The following NFIX variants were observed in gnomAD, a reference collection of about 807,000 sequenced individuals.
NFIX encodes the protein nuclear factor I X, also known as nuclear factor 1 X-type.
In NFIX, 2 loss-of-function variants were observed where a neutral mutation model predicts 53.3. The observed-to-expected ratio is 0.04, with a 90% CI of 0.02 to 0.12. The LOEUF (loss-of-function observed/expected upper bound fraction) is 0.12, where lower values mean the gene tolerates loss of function less well. Among genes scored for constraint, NFIX ranks in the 10% least tolerant of loss-of-function variants. NFIX has a pLI of 1.00. For missense variants in NFIX, 310 were observed against 674.5 expected, an observed-to-expected ratio of 0.46 and a Z score of 5.99; for synonymous variants, 244 against 289.0, an observed-to-expected ratio of 0.84 and a Z score of 1.58.
In NFIX at chr19:13,043,773, C is replaced by T. The variant is rs555698977; in HGVS notation, c.559+18221C>T. On this transcript the variant is annotated intron_variant, in intron 2 of 10. Transcript: ENST00000592199. The surrounding 1 kb of genome is among the most constrained non-coding windows in gnomAD (Gnocchi z 4.0). ...AGCATGCTCTCATCAGACTTGGTCC[C>T]CACTGCCATGGCACTCTTATCTGTG... Among the ~76,000 whole-genome samples, 22 of 152,318 alleles carry T rather than the reference C, an allele frequency of 1.4e-4. No homozygotes were observed. The South Asian group carries it at 4.6e-3, about 32-fold the overall frequency.
intron 2 of NFIX, among the ~76,000 whole-genome samples, chr19:13,031,828 G>A (rs965005772): frequency 6.6e-6 from 1 of 152,168 alleles, no homozygotes; most frequent in African/African-American, 2.4e-5. Flanking sequence ...AAGGGGTAAT[G>A]AGGCCAGTGC....
At position 12,995,506 on chromosome 19, in the gene NFIX, T is replaced by G. The variant is rs1228534266; in HGVS notation, c.-332T>G. 4.6e-5 allele frequency: 7 copies of G among 151,900 alleles called. No individual in the cohort carries two copies. Among genetic ancestry groups the G allele is most frequent in the East Asian group, 1.9e-4 (1 of 5,188 alleles). The allele number at this position is 151,900 out of a possible 1,614,324, so 9.4% of individuals were successfully genotyped here. On this transcript the variant is annotated 5_prime_UTR_variant, in exon 1 of 11. Transcript: ENST00000592199. ...ACTTTCACTTTCACAGCGCGGCGGCTGCGGCGGCGGCGGCGGCGGGCGAGG... is the reference window on the plus strand; with the variant it reads ...ACTTTCACTTTCACAGCGCGGCGGCGGCGGCGGCGGCGGCGGCGGGCGAGG...
chr19:13,048,052 G>T (rs991560843), intron 2 of NFIX, among the ~76,000 whole-genome samples: 1 of 152,190 alleles, frequency 6.6e-6, no homozygotes, highest in East Asian at 1.9e-4. Flanking sequence ...ACAGTCCAGT[G>T]AACTCGGCAC....
chr19:13,070,762 C>G (rs972039100), intron 2 of NFIX: 12 of 152,366 alleles, frequency 7.9e-5, no homozygotes, highest in African/African-American at 2.9e-4. Flanking sequence ...TGCTCCTTTA[C>G]ACAGAGCTAA....
At chr19:13,033,027 AG>A (rs1241357641) in intron 2 of NFIX, among the ~76,000 whole-genome samples, 4 of 151,808 alleles carry the variant, frequency 2.6e-5, no homozygotes, top group East Asian at 1.9e-4. Flanking sequence ...CCATTGGGTG[AG>A]GGGGGGCTCA....
rs951155254 is a variant in NFIX at position 13,022,606 on chromosome 19, G to A, written c.28-2415G>A. Among the ~76,000 whole-genome samples, 3 of 151,588 alleles carry A rather than the reference G, an allele frequency of 2.0e-5. No individual in the cohort carries two copies. In the East Asian group the frequency reaches 5.8e-4, roughly 29 times the overall value. On this transcript the variant is annotated intron_variant, in intron 1 of 10. Transcript: ENST00000592199. This position sits in a 1 kb window ranked among gnomAD's most constrained non-coding sequence, Gnocchi z 4.5. The stretch of plus-strand genomic sequence containing the variant: ...TGCTCCATAGGAAGAAAAAAAAAAA[G>A]AAAGAAAGAAATAGAAACAGAAAAA...
chr19:13,000,691 C>T (rs1053331761), intron 1 of NFIX, among the ~76,000 whole-genome samples: 1 of 152,136 alleles, frequency 6.6e-6, no homozygotes, highest in Non-Finnish European at 1.5e-5. Flanking sequence ...CAAAGAGACC[C>T]GGTGCATCTA....
chr19:13,023,086 C>CTCTCTCTCTCTCTG (rs1394738047), intron 1 of NFIX, among the ~76,000 whole-genome samples: 1 of 150,826 alleles, frequency 6.6e-6, no homozygotes, highest in Non-Finnish European at 1.5e-5. Flanking sequence ...CTCTCTCTCT[C>CTCTCTCTCTCTCTG]TCTCTCTCTC....
Position 13,078,816 on chromosome 19 carries a change from A to G in NFIX, c.1078+81A>G, listed in dbSNP as rs1362915399. On this transcript the variant is annotated intron_variant, in intron 7 of 10. Transcript: ENST00000592199. This position sits in a 1 kb window ranked among gnomAD's most constrained non-coding sequence, Gnocchi z 4.7. ...GGGCAGCTGGCCAGGTGAAGGGGCC[A>G]GAGCTGACCCCGAGTGACAGCCCCA... 4 of 1,454,832 alleles carry G rather than the reference A, an allele frequency of 2.7e-6. No homozygotes were observed. In the African/African-American group the frequency reaches 6.9e-5, roughly 25 times the overall value. 90.1% of individuals were successfully genotyped at this position (1,454,832 alleles called of 1,614,324 possible).
In NFIX at chr19:13,068,527, G is replaced by A. The variant is rs907656528; in HGVS notation, c.560-4520G>A. On this transcript the variant is annotated intron_variant, in intron 2 of 10. Transcript: ENST00000592199. This position sits in a 1 kb window ranked among gnomAD's most constrained non-coding sequence, Gnocchi z 4.2. The stretch of plus-strand genomic sequence containing the variant: ...GGCCCCCAAGGAAGAGAGGGGCCCA[G>A]AGTGGCCACTTGGCTCAGCCTGGCT... 1.3e-5 allele frequency among the ~76,000 whole-genome samples: 2 copies of A among 152,266 alleles called. No individual in the cohort carries two copies. Among genetic ancestry groups the A allele is most frequent in the Non-Finnish European group, 2.9e-5 (2 of 68,046 alleles).
rs910036676 is a variant in NFIX, at chr19:13,088,800, G to A, written c.1402+664G>A. Reference sequence around the variant, plus strand: ...TGTTCCAAGGACGAGGGAGGGCTGTGGGCTTTGGCTTACTTCATCTCTCTC... The same window carrying A: ...TGTTCCAAGGACGAGGGAGGGCTGTAGGCTTTGGCTTACTTCATCTCTCTC... On this transcript the variant is annotated intron_variant, in intron 9 of 10. Transcript: ENST00000592199. The surrounding 1 kb of genome is among the most constrained non-coding windows in gnomAD (Gnocchi z 5.9). 7.2e-5 allele frequency among the ~76,000 whole-genome samples: 11 copies of A among 151,982 alleles called. No individual in the cohort carries two copies. Among genetic ancestry groups the A allele is most frequent in the African/African-American group, 1.2e-4 (5 of 41,372 alleles).
rs1189804097 is a variant in NFIX at position 13,052,047 on chromosome 19, TC to T, written c.560-20998del. 1.3e-5 allele frequency among the ~76,000 whole-genome samples: 2 copies of T among 152,178 alleles called. No individual in the cohort carries two copies. Among genetic ancestry groups the T allele is most frequent in the Non-Finnish European group, 2.9e-5 (2 of 68,024 alleles). Reference sequence around the variant, plus strand: ...TTTCCCTTCTGTCTTTCCTTTGCTGTCCACTCTGCTTGCAGGATTTGGGACC... The same window carrying T: ...TTTCCCTTCTGTCTTTCCTTTGCTGTCACTCTGCTTGCAGGATTTGGGACC... On this transcript the variant is annotated intron_variant, in intron 2 of 10. Coordinates refer to ENST00000592199, the MANE Select transcript of NFIX (RefSeq NM_001365902.3). This position sits in a 1 kb window ranked among gnomAD's most constrained non-coding sequence, Gnocchi z 5.2.
intron 2 of NFIX, among the ~76,000 whole-genome samples, chr19:13,042,360 T>TC (rs1267157176): frequency 6.9e-6 from 1 of 144,318 alleles, no homozygotes; most frequent in African/African-American, 2.6e-5. Context: ...ACATGCTTTT[T>TC]TTTTTTTTTT....
In NFIX at chr19:13,014,912, C is replaced by T. The variant is rs916088013; in HGVS notation, c.28-10109C>T. Among the ~76,000 whole-genome samples, 4 of 152,162 alleles carry T rather than the reference C, an allele frequency of 2.6e-5. No homozygotes were observed. The highest frequency in any genetic ancestry group is 4.4e-5 in the Non-Finnish European group (3 of 68,024). ...GGCGAGGTGGCTGCGGTGGCCCTTCCGCCAGGTGTGGGGTAGACCGCTTAG... is the reference window on the plus strand; with the variant it reads ...GGCGAGGTGGCTGCGGTGGCCCTTCTGCCAGGTGTGGGGTAGACCGCTTAG... On this transcript the variant is annotated intron_variant, in intron 1 of 10. Coordinates refer to ENST00000592199, the MANE Select transcript of NFIX (RefSeq NM_001365902.3). This position sits in a 1 kb window ranked among gnomAD's most constrained non-coding sequence, Gnocchi z 4.4.
intron 1 of NFIX, chr19:13,023,934 T>G: frequency 2.0e-6 from 1 of 495,980 alleles, no homozygotes. Flanking sequence ...CCCCTGCTCC[T>G]CCTCCTCCCC....
rs976656032 is a variant in NFIX at position 13,066,683 on chromosome 19, C to G, written c.560-6364C>G. ...AAACCATGTGAGACTCTAGGGATGA[C>G]AGAGGAGGGAAAAACCTGCCACCTC... On this transcript the variant is annotated intron_variant, in intron 2 of 10. Coordinates refer to ENST00000592199, the MANE Select transcript of NFIX (RefSeq NM_001365902.3). The surrounding 1 kb of genome is among the most constrained non-coding windows in gnomAD (Gnocchi z 4.2). Among the ~76,000 whole-genome samples the G allele has an allele frequency of 6.6e-6, 1 of 152,138 alleles. No homozygotes were observed. The highest frequency in any genetic ancestry group is 1.5e-5 in the Non-Finnish European group (1 of 68,032).
At position 13,043,062 on chromosome 19, in the gene NFIX, A is replaced by T. The variant is rs1216036871; in HGVS notation, c.559+17510A>T. ...CATTGCACATACATGTCATGTCAGG[A>T]TGCACTTTTACAAGTCAAGTCTCCC... On this transcript the variant is annotated intron_variant, in intron 2 of 10. Coordinates refer to ENST00000592199, the MANE Select transcript of NFIX (RefSeq NM_001365902.3). The surrounding 1 kb of genome is among the most constrained non-coding windows in gnomAD (Gnocchi z 4.0). Among the ~76,000 whole-genome samples the T allele has an allele frequency of 6.6e-6, 1 of 150,544 alleles. No homozygotes were observed. The highest frequency in any genetic ancestry group is 1.5e-5 in the Non-Finnish European group (1 of 68,014).
In NFIX at chr19:13,060,674, T is replaced by A. The variant is rs1398782729; in HGVS notation, c.560-12373T>A. ...CACAGCCAGCTAGACTGTTTTGCTCTGGGGCCTGAGGATTGCGGGGCCAGG... is the reference window on the plus strand; with the variant it reads ...CACAGCCAGCTAGACTGTTTTGCTCAGGGGCCTGAGGATTGCGGGGCCAGG... On this transcript the variant is annotated intron_variant, in intron 2 of 10. Transcript: ENST00000592199. The surrounding 1 kb of genome is among the most constrained non-coding windows in gnomAD (Gnocchi z 4.3). Among the ~76,000 whole-genome samples, 3 of 152,034 alleles carry A rather than the reference T, an allele frequency of 2.0e-5. No individual in the cohort carries two copies. The highest frequency in any genetic ancestry group is 2.9e-5 in the Non-Finnish European group (2 of 68,006).
intron 1 of NFIX, among the ~76,000 whole-genome samples, chr19:13,004,232 A>T (rs779267107): frequency 6.6e-6 from 1 of 152,038 alleles, no homozygotes. Context: ...AAACCCTGCC[A>T]TGCATCCCCA....
Sources: allele counts gnomAD v4.1 joint callset (sites outside exome capture counted in the v4.1 genomes callset), GRCh38; gene constraint gnomAD v4.1.1; non-coding constraint Gnocchi (gnomAD v3.1); transcripts MANE v1.5; gene names NCBI Gene and HGNC (gene_info 2026-07-23, HGNC 2026-07-21).